The following LRP4 variants were observed in gnomAD, a reference collection of about 807,000 sequenced individuals.
The protein encoded by LRP4 is low-density lipoprotein receptor-related protein 4.
A neutral mutation model predicts 220.3 loss-of-function variants in LRP4; 95 were observed. That is an observed-to-expected ratio of 0.43 (90% CI 0.37 to 0.51). The LOEUF (loss-of-function observed/expected upper bound fraction) is 0.51, where lower values mean the gene tolerates loss of function less well. LRP4 is among the 20% of genes least tolerant of loss of function. LRP4 has a pLI of 0.00. For missense variants in LRP4, 1,925 were observed against 2,567.0 expected, an observed-to-expected ratio of 0.75 and a Z score of 5.40; for synonymous variants, 903 against 954.6, an observed-to-expected ratio of 0.95 and a Z score of 1.00.
rs557573115 is a variant in LRP4 at position 46,873,873 on chromosome 11, C to G, written c.4230-280G>C. The G allele has an allele frequency of 6.7e-5, 32 of 474,832 alleles. No individual in the cohort carries two copies. In the East Asian group the frequency reaches 1.0e-3, roughly 15 times the overall value. 29.4% of individuals were successfully genotyped at this position (474,832 alleles called of 1,614,324 possible). ...CTTGCTAGAAGACAAGTTTATCATT[C>G]CCCACATACCTTTGGGAAGAGACAA... On this transcript the variant is annotated intron_variant, in intron 28 of 37. Coordinates refer to ENST00000378623, the MANE Select transcript of LRP4 (RefSeq NM_002334.4). The surrounding 1 kb of genome is among the most constrained non-coding windows in gnomAD (Gnocchi z 4.2).
Position 46,873,467 on chromosome 11 carries a change from A to G in LRP4, c.4356T>C (p.Ile1452=). ...AGGAACCATCCAGCCTGGACGCCTC[A>G]ATGGTATTTCGACCTGTGTCTGTCC... The part of the protein sequence containing the change: ...LYWTDTGRNT[I]EASRLDGSCR... The change falls in exon 29 of 38, where the codon ATT becomes ATC. Residue 1452 remains isoleucine, a synonymous_variant. Coordinates refer to ENST00000378623, the MANE Select transcript of LRP4 (RefSeq NM_002334.4). The surrounding 1 kb of genome is among the most constrained non-coding windows in gnomAD (Gnocchi z 4.2). The G allele has an allele frequency of 6.2e-7, 1 of 1,614,162 alleles. No individual in the cohort carries two copies.
rs1940767310 is a variant in LRP4, at chr11:46,868,613, C to T, written c.4938G>A (p.Arg1646=). The change falls in exon 33 of 38, where the codon CGG becomes CGA. Residue 1646 remains arginine, a synonymous_variant. Transcript: ENST00000378623. ...AGTCCAACTCACCAAGGGAGCAGGGCCGGCTATCAGGTTCGTCAGGACAGG... is the reference window on the plus strand; with the variant it reads ...AGTCCAACTCACCAAGGGAGCAGGGTCGGCTATCAGGTTCGTCAGGACAGG... The part of the protein sequence containing the change: ...VCACPDEPDS[R]PCSLVPGLVP... 2.5e-6 allele frequency: 4 copies of T among 1,613,548 alleles called. No individual in the cohort carries two copies. The African/African-American group carries it at 5.3e-5, about 22-fold the overall frequency.
intron 1 of LRP4, among the ~76,000 whole-genome samples, chr11:46,914,590 C>T (rs952031825): frequency 2.0e-5 from 3 of 152,204 alleles, no homozygotes; most frequent in Admixed American, 6.5e-5. Flanking sequence ...GGGAGGAGGG[C>T]TTCCGCTGCT....
At chr11:46,904,887 A>G (rs7930991) in intron 1 of LRP4, among the ~76,000 whole-genome samples, 148,035 of 150,746 alleles carry the variant, frequency 0.98, 72,706 homozygotes, top group East Asian at 1. Context: ...GATGTGGGAG[A>G]ATCACTTGAG....
intron 2 of LRP4, among the ~76,000 whole-genome samples, chr11:46,902,086 G>A (rs187817346): frequency 2.8e-4 from 43 of 151,788 alleles, no homozygotes; most frequent in African/African-American, 9.9e-4. Flanking sequence ...GGCTGGGCGT[G>A]GTGGTTCATG....
chr11:46,889,874 G>GTTCTC (rs1941382808), intron 15 of LRP4, 70 bp downstream of exon 15: 7 of 1,551,856 alleles, frequency 4.5e-6, no homozygotes, highest in Non-Finnish European at 6.2e-6. Flanking sequence ...GGGAAGGAAG[G>GTTCTC]TTCTCAGAGG....
Position 46,897,059 on chromosome 11 carries a change from CA to C in LRP4, c.797-66del, listed in dbSNP as rs1941548203. ...TCAGCCTGAAATTCTCCCTGCCACCCAAATCTGCAGCTTATATCAGTACCCA... is the reference window on the plus strand; with the variant it reads ...TCAGCCTGAAATTCTCCCTGCCACCCAATCTGCAGCTTATATCAGTACCCA... On this transcript the variant is annotated intron_variant, in intron 7 of 37. Coordinates refer to ENST00000378623, the MANE Select transcript of LRP4 (RefSeq NM_002334.4). The C allele has an allele frequency of 1.9e-6, 3 of 1,607,758 alleles. No homozygotes were observed. The African/African-American group carries it at 4.0e-5, about 21-fold the overall frequency.
rs1373387965 is a variant in LRP4, at chr11:46,894,815, T to A, written c.1314A>T (p.Pro438=). Residue 438 remains proline (P), a synonymous_variant, in exon 12 of 38, where the codon CCA becomes CCT. Coordinates refer to ENST00000378623, the MANE Select transcript of LRP4 (RefSeq NM_002334.4). ...PDRRSCKALG[P]EPVLLFANRI... ...GATTGGCGAACAGCAGCACAGGCTC[T>A]GGCCCTGGGAAACAGTATAAACATG... The A allele has an allele frequency of 6.2e-7, 1 of 1,613,924 alleles. No individual in the cohort carries two copies. The highest frequency in any genetic ancestry group is 8.5e-7 in the Non-Finnish European group (1 of 1,179,756).
At position 46,898,649 on chromosome 11, in the gene LRP4, C is replaced by T; in HGVS notation, c.705G>A (p.Glu235=). The change falls in exon 7 of 38, where the codon GAG becomes GAA. Residue 235 remains glutamate (E), a synonymous_variant. Coordinates refer to ENST00000378623, the MANE Select transcript of LRP4 (RefSeq NM_002334.4). ...TGCACAGGCCACTGTCACACATGAA[C>T]TCCCCAGAGCGGCAGGGCTGGTGGG... ...CSSHQPCRSG[E]FMCDSGLCIN... 6.2e-7 allele frequency: 1 copy of T among 1,614,198 alleles called. No individual in the cohort carries two copies. Among genetic ancestry groups the T allele is most frequent in the Non-Finnish European group, 8.5e-7 (1 of 1,180,040 alleles).
Position 46,903,415 on chromosome 11 carries a change from A to G in LRP4, c.53-486T>C, listed in dbSNP as rs1307458611. Among the ~76,000 whole-genome samples, 8 of 151,934 alleles carry G rather than the reference A, an allele frequency of 5.3e-5. No homozygotes were observed. In the East Asian group the frequency reaches 1.5e-3, roughly 29 times the overall value. Reference sequence around the variant, plus strand: ...AGGCTGAGGTGGGAGGATTGCTTGAACCTGGGAGGTCAAGGCTGCAGTGAG... The same window carrying G: ...AGGCTGAGGTGGGAGGATTGCTTGAGCCTGGGAGGTCAAGGCTGCAGTGAG... On this transcript the variant is annotated intron_variant, in intron 1 of 37. Transcript: ENST00000378623.
intron 25 of LRP4, 29 bp downstream of exon 25, chr11:46,876,437 C>T (rs754038971): frequency 6.2e-7 from 1 of 1,613,650 alleles, no homozygotes; most frequent in South Asian, 1.1e-5. Flanking sequence ...GCCCCCCACA[C>T]TACCCAGTGC....
chr11:46,877,076 C>T (rs934168921), intron 23 of LRP4, 123 bp downstream of exon 23: 1 of 1,188,596 alleles, frequency 8.4e-7, no homozygotes, highest in Non-Finnish European at 1.3e-6. Context: ...GGGGCTATGC[C>T]AGAGGGAATG....
At chr11:46,914,194 C>T (rs1941913168) in intron 1 of LRP4, among the ~76,000 whole-genome samples, 1 of 151,986 alleles carries the variant, frequency 6.6e-6, no homozygotes, top group South Asian at 2.1e-4. Context: ...TTACTACTTC[C>T]CTTCCCCTAC....
rs2134750322 is a variant in LRP4 at position 46,858,986 on chromosome 11, G to C, written c.5715C>G (p.Val1905=). 6.2e-7 allele frequency: 1 copy of C among 1,613,864 alleles called. No individual in the cohort carries two copies. Among genetic ancestry groups the C allele is most frequent in the Non-Finnish European group, 8.5e-7 (1 of 1,179,956 alleles). The change falls in exon 38 of 38, where the codon GTC becomes GTG. Residue 1905 remains valine (V), a synonymous_variant. Coordinates refer to ENST00000378623, the MANE Select transcript of LRP4 (RefSeq NM_002334.4). ...HERKLSSESQ[V] Reference sequence around the variant, plus strand: ...GCAGGGAAGAGAATGTGGGCATTTAGACCTGGCTCTCTGAGGAGAGCTTGC... The same window carrying C: ...GCAGGGAAGAGAATGTGGGCATTTACACCTGGCTCTCTGAGGAGAGCTTGC...
In LRP4 at chr11:46,916,891, C is replaced by A. The variant is rs182194264; in HGVS notation, c.52+1437G>T. 2.2e-4 allele frequency among the ~76,000 whole-genome samples: 34 copies of A among 152,290 alleles called. No homozygotes were observed. In the East Asian group the frequency reaches 6.2e-3, roughly 28 times the overall value. The stretch of plus-strand genomic sequence containing the variant: ...AGCTACATTCCTACCCCAGTAGGGC[C>A]GCTGTCCCAACACGCCAAAGAGGCT... On this transcript the variant is annotated intron_variant, in intron 1 of 37. Coordinates refer to ENST00000378623, the MANE Select transcript of LRP4 (RefSeq NM_002334.4).
rs988866834 is a variant in LRP4, at chr11:46,890,519, A to G, written c.1698-25T>C. On this transcript the variant is annotated intron_variant, in intron 13 of 37. Coordinates refer to ENST00000378623, the MANE Select transcript of LRP4 (RefSeq NM_002334.4). The surrounding 1 kb of genome is among the most constrained non-coding windows in gnomAD (Gnocchi z 5.3). ...ACTAGGAAGAGAAAAGTAAATTGGGAAGTGGGCAGCAGAAAACAGGTAGGT... is the reference window on the plus strand; with the variant it reads ...ACTAGGAAGAGAAAAGTAAATTGGGGAGTGGGCAGCAGAAAACAGGTAGGT... The G allele has an allele frequency of 1.9e-6, 3 of 1,553,606 alleles. No individual in the cohort carries two copies. Among genetic ancestry groups the G allele is most frequent in the African/African-American group, 2.7e-5 (2 of 73,724 alleles).
Position 46,889,955 on chromosome 11 carries a change from C to T in LRP4, c.2081G>A (p.Arg694His), listed in dbSNP as rs1406466481. Residue 694 changes from arginine to histidine, a missense_variant, in exon 15 of 38, where the codon CGC (arginine) becomes CAC (histidine). Coordinates refer to ENST00000378623, the MANE Select transcript of LRP4 (RefSeq NM_002334.4). The stretch of plus-strand genomic sequence containing the variant: ...GGGCAGTTTTTTACCTGCAGGTTGG[C>T]GCTGGGGGTGCAAGGTGTGGATGTC... ...PMDIHTLHPQRQPAGKNRCGD... is the reference protein window; with the variant it reads ...PMDIHTLHPQHQPAGKNRCGD... The T allele has an allele frequency of 3.1e-6, 5 of 1,614,114 alleles. No homozygotes were observed. The highest frequency in any genetic ancestry group is 1.3e-5 in the African/African-American group (1 of 75,018).
chr11:46,896,857 G>A lies in LRP4; in HGVS notation c.922+12C>T, dbSNP rs1297911489. Reference sequence around the variant, plus strand: ...TAGGCTAAGGGTTCTGGGGCACCCCGGGAGACACCACCTGTATTCTCACAG... The same window carrying A: ...TAGGCTAAGGGTTCTGGGGCACCCCAGGAGACACCACCTGTATTCTCACAG... On this transcript the variant is annotated intron_variant, in intron 8 of 37. Coordinates refer to ENST00000378623, the MANE Select transcript of LRP4 (RefSeq NM_002334.4). The A allele has an allele frequency of 7.4e-6, 12 of 1,613,894 alleles. No homozygotes were observed. In the East Asian group the frequency reaches 1.1e-4, roughly 15 times the overall value.
Position 46,886,711 on chromosome 11 carries a change from G to A in LRP4, c.2216-178C>T, listed in dbSNP as rs115860567. Among the ~76,000 whole-genome samples, 306 of 152,318 alleles carry A rather than the reference G, an allele frequency of 2.0e-3. 2 individuals are homozygous for A. The highest frequency in any genetic ancestry group is 5.1e-3 in the African/African-American group (211 of 41,572). On this transcript the variant is annotated intron_variant, in intron 16 of 37. Coordinates refer to ENST00000378623, the MANE Select transcript of LRP4 (RefSeq NM_002334.4). Reference sequence around the variant, plus strand: ...AAGCACTGCCATGCTAGCAGAATCAGACTTCTAAATCAAATGGAAACAGAC... The same window carrying A: ...AAGCACTGCCATGCTAGCAGAATCAAACTTCTAAATCAAATGGAAACAGAC...
Sources: gnomAD v4.1 joint callset for allele counts (sites outside exome capture counted in the v4.1 genomes callset) on GRCh38, gnomAD v4.1.1 for gene constraint, Gnocchi (gnomAD v3.1) non-coding constraint, MANE v1.5 for transcripts, NCBI Gene and HGNC (gene_info 2026-07-23, HGNC 2026-07-21) for gene names.